Variants in TRAPPC9 observed in about 807,000 individuals in gnomAD.
The protein encoded by TRAPPC9 is trafficking protein particle complex subunit 9.
TRAPPC9 carries 83 observed loss-of-function variants against 124.0 expected under a neutral mutation model. The ratio of observed to expected loss-of-function variants is 0.67; its 90% CI spans 0.56 to 0.80. TRAPPC9 has a LOEUF of 0.80. TRAPPC9 is among the 30% of genes least tolerant of loss of function. The probability of loss-of-function intolerance (pLI) is 0.00; values close to 1 mark genes in which losing one functional copy is unlikely to be tolerated. For missense variants in TRAPPC9, 1,302 were observed against 1,508.3 expected, an observed-to-expected ratio of 0.86 and a Z score of 2.27; for synonymous variants, 638 against 617.5, an observed-to-expected ratio of 1.03 and a Z score of -0.49.
intron 21 of TRAPPC9, among the ~76,000 whole-genome samples, chr8:139,774,291 G>A (rs1363299604): frequency 6.6e-6 from 1 of 152,218 alleles, no homozygotes; most frequent in Admixed American, 6.5e-5. Context: ...AGGGACAGGT[G>A]GAAGGCTCTG....
intron 16 of TRAPPC9, among the ~76,000 whole-genome samples, chr8:140,247,561 G>C (rs1200745151): frequency 6.8e-6 from 1 of 146,332 alleles, no homozygotes; most frequent in Non-Finnish European, 1.5e-5. Flanking sequence ...AGTTTCAAGG[G>C]TTTTTTTTTT....
intron 20 of TRAPPC9, among the ~76,000 whole-genome samples, chr8:139,897,664 C>T (rs113334073): frequency 0.035 from 5,315 of 152,286 alleles, 125 homozygotes; most frequent in Middle Eastern, 0.088. Flanking sequence ...TGTTAGGTAA[C>T]GCTCCCAAAG....
chr8:139,949,285 T>C (rs978515612), intron 19 of TRAPPC9, among the ~76,000 whole-genome samples: 3 of 152,114 alleles, frequency 2.0e-5, no homozygotes, highest in African/African-American at 7.2e-5. Flanking sequence ...TATAATAAAA[T>C]TGAGAAATAA....
chr8:140,406,220 C>A (rs2132435168), intron 5 of TRAPPC9, among the ~76,000 whole-genome samples: 1 of 152,270 alleles, frequency 6.6e-6, no homozygotes, highest in East Asian at 1.9e-4. Flanking sequence ...CCACCAAACC[C>A]ACATGGACAA....
chr8:139,975,278 A>G lies in TRAPPC9; in HGVS notation c.2810+13448T>C, dbSNP rs1205078128. On this transcript the variant is annotated intron_variant, in intron 19 of 22. Transcript: ENST00000438773. Reference sequence around the variant, plus strand: ...GTCAGCCTGGATCACTGGCCTCCGCATTTCGCTAGCACACAGGTTCTGTGA... The same window carrying G: ...GTCAGCCTGGATCACTGGCCTCCGCGTTTCGCTAGCACACAGGTTCTGTGA... 2.0e-5 allele frequency among the ~76,000 whole-genome samples: 3 copies of G among 152,222 alleles called. No homozygotes were observed. In the East Asian group the frequency reaches 5.8e-4, roughly 29 times the overall value.
chr8:140,368,976 T>C (rs1282869877), intron 8 of TRAPPC9, among the ~76,000 whole-genome samples: 1 of 152,214 alleles, frequency 6.6e-6, no homozygotes, highest in Non-Finnish European at 1.5e-5. Context: ...CTGGCCACCA[T>C]GTACTAATGT....
chr8:140,321,007 C>A (rs1427577200), intron 9 of TRAPPC9, among the ~76,000 whole-genome samples: 1 of 152,210 alleles, frequency 6.6e-6, no homozygotes, highest in African/African-American at 2.4e-5. Context: ...CTTAAAGAGC[C>A]AGATAAAGTG....
At chr8:140,186,387 C>T (rs1349242361) in intron 17 of TRAPPC9, among the ~76,000 whole-genome samples, 2 of 151,936 alleles carry the variant, frequency 1.3e-5, no homozygotes, top group Non-Finnish European at 2.9e-5. Flanking sequence ...AGTTTGAGAC[C>T]AGCCTGGCCA....
In TRAPPC9 at chr8:139,961,638, C is replaced by T. The variant is rs955328902; in HGVS notation, c.2810+27088G>A. Among the ~76,000 whole-genome samples, 878 of 123,124 alleles carry T rather than the reference C, an allele frequency of 7.1e-3. 113 individuals are homozygous for T. The highest frequency in any genetic ancestry group is 0.021 in the African/African-American group (824 of 39,068). The allele number at this position is 123,124 out of a possible 152,430, so 80.8% of individuals were successfully genotyped here. A position where few individuals can be genotyped will look rare whatever the true frequency, so the allele number is the denominator to read the frequency against. ...GCGTTTCTGCAGCCTGTAGCCTGCA[C>T]CCTTGGGGGCCCCAGAAAGGACCCT... On this transcript the variant is annotated intron_variant, in intron 19 of 22. Transcript: ENST00000438773.
chr8:139,781,855 C>A (rs1586829412), intron 21 of TRAPPC9, among the ~76,000 whole-genome samples: 1 of 151,858 alleles, frequency 6.6e-6, no homozygotes, highest in Non-Finnish European at 1.5e-5. Flanking sequence ...CTCAGTGAAT[C>A]CAAAACAAGT....
At chr8:139,893,450 C>T (rs1050298006) in intron 20 of TRAPPC9, among the ~76,000 whole-genome samples, 1 of 152,238 alleles carries the variant, frequency 6.6e-6, no homozygotes, top group Non-Finnish European at 1.5e-5. Flanking sequence ...GCACAATGCT[C>T]TTTCGAGCGT....
chr8:140,387,720 A>C (rs868782177), intron 7 of TRAPPC9, among the ~76,000 whole-genome samples: 1 of 152,156 alleles, frequency 6.6e-6, no homozygotes, highest in Non-Finnish European at 1.5e-5. Context: ...AAAAGTCAGG[A>C]AACAACAGGT....
chr8:139,827,025 G>A (rs748671636), intron 21 of TRAPPC9, among the ~76,000 whole-genome samples: 1 of 152,258 alleles, frequency 6.6e-6, no homozygotes, highest in Non-Finnish European at 1.5e-5. Context: ...TCACTCTGCA[G>A]TAGCTCCCAA....
At chr8:139,755,730 T>C (rs1263093423) in intron 21 of TRAPPC9, among the ~76,000 whole-genome samples, 5 of 133,780 alleles carry the variant, frequency 3.7e-5, no homozygotes, top group Non-Finnish European at 3.2e-5. Flanking sequence ...GAGCCAGGGT[T>C]TGGGGATGAG....
At chr8:139,893,597 A>C (rs1363932279) in intron 20 of TRAPPC9, among the ~76,000 whole-genome samples, 1 of 152,262 alleles carries the variant, frequency 6.6e-6, no homozygotes, top group Non-Finnish European at 1.5e-5. Context: ...AAATAATGTA[A>C]TGAAAACATG....
In TRAPPC9 at chr8:139,804,038, G is replaced by A. The variant is rs1305913052; in HGVS notation, c.3056-71836C>T. Among the ~76,000 whole-genome samples, 9 of 148,898 alleles carry A rather than the reference G, an allele frequency of 6.0e-5. No individual in the cohort carries two copies. In the South Asian group the frequency reaches 6.5e-4, roughly 11 times the overall value. On this transcript the variant is annotated intron_variant, in intron 21 of 22. Coordinates refer to ENST00000438773, the MANE Select transcript of TRAPPC9 (RefSeq NM_001160372.4). ...AGCACCACCACCACTATCCATCGCC[G>A]CCACCACACGCCACCTCCATCAAGC...
intron 9 of TRAPPC9, among the ~76,000 whole-genome samples, chr8:140,333,121 G>A (rs1361821184): frequency 2.0e-5 from 2 of 99,600 alleles, no homozygotes; most frequent in East Asian, 5.8e-4. Context: ...GCGAGACTTT[G>A]TCTCAAAAAA....
At position 140,371,074 on chromosome 8, in the gene TRAPPC9, T is replaced by A; in HGVS notation, c.1241A>T (p.Gln414Leu). The A allele has an allele frequency of 5.6e-6, 9 of 1,614,258 alleles. No individual in the cohort carries two copies. Among genetic ancestry groups the A allele is most frequent in the Non-Finnish European group, 7.6e-6 (9 of 1,180,048 alleles). The change falls in exon 8 of 23, where the codon CAG (glutamine) becomes CTG (leucine). Residue 414 changes from glutamine (Q) to leucine (L), a missense_variant. Transcript: ENST00000438773. ...CTCCGCGATGCTTGGGGCCACGCAC[T>A]GCATGGCGGCCACGCGCTTGAAGAA... is the stretch of plus-strand genomic sequence containing the variant. ...SAFFKRVAAM[Q>L]CVAPSIAEPG...
At chr8:140,434,081 C>T (rs1341485609) in intron 4 of TRAPPC9, among the ~76,000 whole-genome samples, 1 of 152,212 alleles carries the variant, frequency 6.6e-6, no homozygotes, top group Non-Finnish European at 1.5e-5. Flanking sequence ...CTGCAGGCTA[C>T]CACTTCATTT....
Sources: gnomAD v4.1 joint callset for allele counts (sites outside exome capture counted in the v4.1 genomes callset) on GRCh38, gnomAD v4.1.1 for gene constraint, MANE v1.5 for transcripts, NCBI Gene and HGNC (gene_info 2026-07-23, HGNC 2026-07-21) for gene names.